The following GALNT13 variants were observed in gnomAD, a reference collection of about 807,000 sequenced individuals.
GALNT13 encodes polypeptide N-acetylgalactosaminyltransferase 13, also known as UDP-GalNAc:polypeptide N-acetylgalactosaminyltransferase 13.
Under a neutral mutation model 64.2 loss-of-function variants are expected in GALNT13, and 28 were observed. The ratio of observed to expected loss-of-function variants is 0.44; its 90% CI spans 0.32 to 0.60. The LOEUF (loss-of-function observed/expected upper bound fraction) is 0.60. Ranked by LOEUF, GALNT13 falls within the 20% of genes least tolerant of loss-of-function variation. The probability of loss-of-function intolerance (pLI) is 0.05; values close to 1 mark genes in which losing one functional copy is unlikely to be tolerated. For missense variants in GALNT13, 577 were observed against 669.8 expected, an observed-to-expected ratio of 0.86 and a Z score of 1.53; for synonymous variants, 214 against 224.6, an observed-to-expected ratio of 0.95 and a Z score of 0.42.
At chr2:153,276,378 C>G in the GALNT13 span, among the ~76,000 whole-genome samples, 1 of 151,964 alleles carries the variant, frequency 6.6e-6, no homozygotes, top group African/African-American at 2.4e-5. Context: ...TCTATATTTA[C>G]TTTTAATAAC....
the GALNT13 span, among the ~76,000 whole-genome samples, chr2:153,122,135 T>C: frequency 2.0e-5 from 3 of 152,116 alleles, no homozygotes; most frequent in Non-Finnish European, 4.4e-5. Flanking sequence ...TGAATAGTTT[T>C]GATTAAAAAT....
At chr2:154,157,911 T>C (rs1684515604) in intron 4 of GALNT13, among the ~76,000 whole-genome samples, 1 of 152,324 alleles carries the variant, frequency 6.6e-6, no homozygotes, top group Non-Finnish European at 1.5e-5. Flanking sequence ...CACTGGAATA[T>C]AATTTTCTCC....
At chr2:153,632,485 T>A in the GALNT13 span, among the ~76,000 whole-genome samples, 1 of 152,182 alleles carries the variant, frequency 6.6e-6, no homozygotes, top group Non-Finnish European at 1.5e-5. Context: ...ATAGTTTCAC[T>A]GCCTGAAAAA....
chr2:153,877,861 T>C (rs1302113358), intron 1 of GALNT13, among the ~76,000 whole-genome samples: 1 of 152,224 alleles, frequency 6.6e-6, no homozygotes, highest in Non-Finnish European at 1.5e-5. Context: ...GTATTTGTAC[T>C]GTGGTAAGTA....
the GALNT13 span, among the ~76,000 whole-genome samples, chr2:153,627,078 T>C: frequency 6.6e-6 from 1 of 152,042 alleles, no homozygotes; most frequent in South Asian, 2.1e-4. Context: ...TCTCTAGTCT[T>C]TGAGCATTGT....
intron 3 of GALNT13, among the ~76,000 whole-genome samples, chr2:154,057,674 G>A (rs759692470): frequency 2.0e-5 from 3 of 152,152 alleles, no homozygotes; most frequent in Non-Finnish European, 4.4e-5. Context: ...ACAAAAGAGA[G>A]CAATGGCAAG....
intron 12 of GALNT13, 61 bp from the exon 13 acceptor site, chr2:154,450,335 AGAACAGATTTTATCT>A: frequency 7.5e-7 from 1 of 1,341,660 alleles, no homozygotes; most frequent in Non-Finnish European, 1.0e-6. Context: ...GATTTTTTAA[AGAACAGATTTTATCT>A]GATGTGCTAG....
At chr2:154,147,434 T>C (rs1574599476) in intron 4 of GALNT13, among the ~76,000 whole-genome samples, 1 of 150,566 alleles carries the variant, frequency 6.6e-6, no homozygotes, top group East Asian at 1.9e-4. Context: ...AATTTAGAAG[T>C]GCCATTGTAT....
chr2:153,214,524 A>G, the GALNT13 span, among the ~76,000 whole-genome samples: 1 of 152,184 alleles, frequency 6.6e-6, no homozygotes, highest in African/African-American at 2.4e-5. Flanking sequence ...TGATACATGG[A>G]AGCATGTTGT....
intron 11 of GALNT13, among the ~76,000 whole-genome samples, chr2:154,414,533 C>T (rs1277146370): frequency 1.3e-5 from 2 of 151,402 alleles, no homozygotes; most frequent in African/African-American, 4.9e-5. Context: ...TTATCTTTGC[C>T]ATTTTAGTAT....
chr2:153,849,423 G>A, the GALNT13 span, among the ~76,000 whole-genome samples: 20 of 152,228 alleles, frequency 1.3e-4, no homozygotes, highest in South Asian at 3.7e-3. Flanking sequence ...GCCTAGCAAG[G>A]AGCAGCAATG....
At chr2:153,332,648 G>A in the GALNT13 span, among the ~76,000 whole-genome samples, 30 of 151,872 alleles carry the variant, frequency 2.0e-4, 1 homozygote, top group South Asian at 3.8e-3. Flanking sequence ...AAGGTAAGAT[G>A]TGGTGGCTCA....
At chr2:153,644,430 A>G in the GALNT13 span, among the ~76,000 whole-genome samples, 1 of 152,050 alleles carries the variant, frequency 6.6e-6, no homozygotes, top group African/African-American at 2.4e-5. Context: ...CTTAAGGGCT[A>G]GGTAGTGTAA....
At chr2:153,695,051 C>A in the GALNT13 span, among the ~76,000 whole-genome samples, 1 of 152,098 alleles carries the variant, frequency 6.6e-6, no homozygotes, top group Non-Finnish European at 1.5e-5. Flanking sequence ...AAACCAGGCA[C>A]AAGTTTCCAA....
At chr2:153,383,747 C>G in the GALNT13 span, among the ~76,000 whole-genome samples, 1 of 151,976 alleles carries the variant, frequency 6.6e-6, no homozygotes, top group Non-Finnish European at 1.5e-5. Flanking sequence ...AAGTAAGAGG[C>G]ACCACGGTAT....
intron 9 of GALNT13, among the ~76,000 whole-genome samples, chr2:154,346,108 T>G (rs1363337728): frequency 6.6e-6 from 1 of 151,998 alleles, no homozygotes; most frequent in African/African-American, 2.4e-5. Context: ...TTACTGTCCC[T>G]CTGAATTGAG....
the GALNT13 span, among the ~76,000 whole-genome samples, chr2:153,251,967 G>T: frequency 6.6e-6 from 1 of 151,696 alleles, no homozygotes; most frequent in African/African-American, 2.4e-5. Context: ...ATGATTTATA[G>T]TCCTTTGGGT....
chr2:153,394,601 C>T, the GALNT13 span, among the ~76,000 whole-genome samples: 1 of 152,104 alleles, frequency 6.6e-6, no homozygotes, highest in Non-Finnish European at 1.5e-5. Flanking sequence ...GGAATATTCT[C>T]ATCATAAAGG....
At chr2:153,966,532 AT>A (rs1055664933) in intron 3 of GALNT13, among the ~76,000 whole-genome samples, 1 of 150,102 alleles carries the variant, frequency 6.7e-6, no homozygotes, top group Non-Finnish European at 1.5e-5. Context: ...CGCCTGGCTA[AT>A]TTTTTTTTGT....
Sources: gnomAD v4.1 joint callset for allele counts (sites outside exome capture counted in the v4.1 genomes callset) on GRCh38, gnomAD v4.1.1 for gene constraint, MANE v1.5 for transcripts, NCBI Gene and HGNC (gene_info 2026-07-23, HGNC 2026-07-21) for gene names.